Variants in RARB observed in about 807,000 individuals in gnomAD.
RARB encodes the protein HBV-activated protein.
Under a neutral mutation model 51.9 loss-of-function variants are expected in RARB, and 17 were observed. The observed-to-expected ratio is 0.33, with a 90% CI of 0.22 to 0.49. RARB has a LOEUF of 0.49. Ranked by LOEUF, RARB falls within the 20% of genes least tolerant of loss-of-function variation. The pLI is 0.99. For synonymous variants in RARB, 215 were observed against 195.4 expected (o/e 1.10, Z -0.84); for missense variants, 369 against 550.8 (o/e 0.67, Z 3.30).
At chr3:25,498,745 C>T (rs1046270257) in intron 2 of RARB, among the ~76,000 whole-genome samples, 3 of 152,136 alleles carry the variant, frequency 2.0e-5, no homozygotes, top group Non-Finnish European at 4.4e-5. Context: ...TTTGTCCATA[C>T]CTCATTTTCT....
At chr3:25,466,170 G>T (rs1695421047) in intron 2 of RARB, among the ~76,000 whole-genome samples, 1 of 152,146 alleles carries the variant, frequency 6.6e-6, no homozygotes, top group African/African-American at 2.4e-5. Context: ...GCACATACAT[G>T]CTTAGTTATT....
chr3:25,176,354 C>CTTTCTTTCTTTCTTTCTTTCTTTCT (rs1700750131), intron 5 of RARB, among the ~76,000 whole-genome samples: 4 of 55,660 alleles, frequency 7.2e-5, no homozygotes, highest in African/African-American at 1.3e-4. Flanking sequence ...TCCTTCCTTC[C>CTTTCTTTCTTTCTTTCTTTCTTTCT]TTCCTTCCTT....
chr3:25,515,510 G>A (rs191832143), intron 3 of RARB, among the ~76,000 whole-genome samples: 9 of 152,260 alleles, frequency 5.9e-5, no homozygotes, highest in Admixed American at 5.2e-4. Context: ...CCAATCCTGG[G>A]GGGGAGGGGG....
At chr3:25,501,791 A>G (rs1017285906) in intron 3 of RARB, among the ~76,000 whole-genome samples, 1 of 152,202 alleles carries the variant, frequency 6.6e-6, no homozygotes, top group Admixed American at 6.5e-5. Context: ...AATCTGGGAC[A>G]CTGGCATTTT....
At chr3:24,871,302 C>A (rs192999072) in intron 2 of RARB, among the ~76,000 whole-genome samples, 2 of 152,038 alleles carry the variant, frequency 1.3e-5, no homozygotes, top group African/African-American at 4.8e-5. Context: ...TATATTGAGA[C>A]GACATAGTTT....
chr3:25,079,782 A>C (rs73141444), intron 3 of RARB, among the ~76,000 whole-genome samples: 2,294 of 152,252 alleles, frequency 0.015, 62 homozygotes, highest in East Asian at 0.062. Flanking sequence ...AATTTGCTAA[A>C]GGTTTAAGAT....
At chr3:25,508,515 C>A (rs1697722480) in intron 3 of RARB, among the ~76,000 whole-genome samples, 1 of 152,172 alleles carries the variant, frequency 6.6e-6, no homozygotes, top group South Asian at 2.1e-4. Flanking sequence ...ATTTTACTGG[C>A]TTAATAACAG....
intron 4 of RARB, among the ~76,000 whole-genome samples, chr3:25,145,143 G>A (rs1054699481): frequency 6.6e-6 from 1 of 152,114 alleles, no homozygotes. Flanking sequence ...TTGGCTCCCT[G>A]TAAAGCAAAA....
At chr3:25,388,157 T>G (rs1364043942) in intron 5 of RARB, among the ~76,000 whole-genome samples, 1 of 152,228 alleles carries the variant, frequency 6.6e-6, no homozygotes, top group Non-Finnish European at 1.5e-5. Flanking sequence ...TTTAATTTTT[T>G]GCTGATGTTC....
At chr3:25,491,011 C>T (rs1559431215) in intron 2 of RARB, among the ~76,000 whole-genome samples, 1 of 151,978 alleles carries the variant, frequency 6.6e-6, no homozygotes. Flanking sequence ...CAAAGTAGTC[C>T]GCAAGATATC....
chr3:24,877,330 T>A (rs886160857), intron 2 of RARB, among the ~76,000 whole-genome samples: 2 of 142,192 alleles, frequency 1.4e-5, no homozygotes, highest in African/African-American at 5.1e-5. Flanking sequence ...GATAGTAATT[T>A]TTTAAAGCAA....
At chr3:25,363,710 T>G (rs1481294372) in intron 5 of RARB, among the ~76,000 whole-genome samples, 1 of 152,174 alleles carries the variant, frequency 6.6e-6, no homozygotes, top group Non-Finnish European at 1.5e-5. Flanking sequence ...CCTTATAACT[T>G]TTTCACAGCA....
At chr3:25,392,301 A>G (rs1254730042) in intron 5 of RARB, among the ~76,000 whole-genome samples, 1 of 151,914 alleles carries the variant, frequency 6.6e-6, no homozygotes, top group Non-Finnish European at 1.5e-5. Flanking sequence ...GCCTTATAGT[A>G]TTGTTTGAAA....
At chr3:25,235,125 C>T (rs1020903089) in intron 5 of RARB, among the ~76,000 whole-genome samples, 1 of 152,166 alleles carries the variant, frequency 6.6e-6, no homozygotes, top group African/African-American at 2.4e-5. Flanking sequence ...TAAGCTTATC[C>T]TCAGTAAACC....
chr3:25,141,767 A>G (rs74921813), intron 4 of RARB, among the ~76,000 whole-genome samples: 3,509 of 152,322 alleles, frequency 0.023, 99 homozygotes, highest in African/African-American at 0.067. Context: ...TCTAAGAAGT[A>G]TAAATCAGTT....
At chr3:25,021,002 C>T (rs1043088581) in intron 2 of RARB, among the ~76,000 whole-genome samples, 1 of 152,044 alleles carries the variant, frequency 6.6e-6, no homozygotes, top group African/African-American at 2.4e-5. Flanking sequence ...TTAGATTTTT[C>T]TAGTGGCATC....
intron 2 of RARB, among the ~76,000 whole-genome samples, chr3:24,892,189 C>T (rs1703394920): frequency 6.7e-6 from 1 of 149,494 alleles, no homozygotes. Context: ...AGTAGAAAGG[C>T]CATTTTCTAA....
At chr3:25,324,619 TG>T in intron 5 of RARB, 1 of 171,926 alleles carries the variant, frequency 5.8e-6, no homozygotes. Flanking sequence ...GCAGAGAAGC[TG>T]GGAGGCAGTG....
At chr3:25,355,159 T>A (rs1188914245) in intron 5 of RARB, among the ~76,000 whole-genome samples, 1 of 152,164 alleles carries the variant, frequency 6.6e-6, no homozygotes, top group East Asian at 1.9e-4. Context: ...TTCAAAGTGC[T>A]ACATGTGTGT....
Sources: gnomAD v4.1 joint callset for allele counts (sites outside exome capture counted in the v4.1 genomes callset) on GRCh38, gnomAD v4.1.1 for gene constraint, MANE v1.5 for transcripts, NCBI Gene and HGNC (gene_info 2026-07-23, HGNC 2026-07-21) for gene names.